STXBP5L: variants seen among roughly 807,000 people sequenced by gnomAD.
STXBP5L encodes the protein syntaxin-binding protein 5-like.
A neutral mutation model predicts 144.5 loss-of-function variants in STXBP5L; 65 were observed. The ratio of observed to expected loss-of-function variants is 0.45; its 90% CI spans 0.37 to 0.55. STXBP5L has a LOEUF of 0.55. Among genes scored for constraint, STXBP5L ranks in the 20% least tolerant of loss-of-function variants. STXBP5L has a pLI of 0.00. For missense variants in STXBP5L, 1,298 were observed against 1,405.5 expected, an observed-to-expected ratio of 0.92 and a Z score of 1.22; for synonymous variants, 505 against 469.6, an observed-to-expected ratio of 1.08 and a Z score of -0.97.
intron 22 of STXBP5L, among the ~76,000 whole-genome samples, chr3:121,400,132 T>C (rs2108729551): frequency 6.6e-6 from 1 of 152,352 alleles, no homozygotes; most frequent in South Asian, 2.1e-4. Flanking sequence ...TTTTATCTTT[T>C]GATGTATGCT....
chr3:121,257,392 C>T, intron 17 of STXBP5L, 59 bp downstream of exon 17: 1 of 1,430,082 alleles, frequency 7.0e-7, no homozygotes, highest in African/African-American at 1.4e-5. Flanking sequence ...GTCTTTGAAA[C>T]TGTGACAAAT....
intron 3 of STXBP5L, among the ~76,000 whole-genome samples, chr3:120,963,922 G>A (rs530817432): frequency 2.0e-5 from 3 of 152,140 alleles, no homozygotes; most frequent in South Asian, 2.1e-4. Context: ...TTGGTTGGTA[G>A]GCTATTAATT....
At chr3:121,059,031 T>C (rs2107622047) in intron 5 of STXBP5L, among the ~76,000 whole-genome samples, 1 of 152,318 alleles carries the variant, frequency 6.6e-6, no homozygotes, top group African/African-American at 2.4e-5. Flanking sequence ...GGTGTTTTAG[T>C]CATGAAGTCT....
At chr3:121,102,530 C>T (rs1224750340) in intron 5 of STXBP5L, among the ~76,000 whole-genome samples, 1 of 151,468 alleles carries the variant, frequency 6.6e-6, no homozygotes, top group African/African-American at 2.4e-5. Flanking sequence ...TGAACTAGAC[C>T]TCTACCATAC....
intron 20 of STXBP5L, among the ~76,000 whole-genome samples, chr3:121,347,784 T>C (rs930231597): frequency 4.6e-5 from 7 of 152,318 alleles, no homozygotes; most frequent in Admixed American, 1.3e-4. Flanking sequence ...ATAAGAATGC[T>C]TGTGATTTTT....
chr3:120,973,715 C>G (rs1379976227), intron 3 of STXBP5L, among the ~76,000 whole-genome samples: 1 of 151,398 alleles, frequency 6.6e-6, no homozygotes, highest in Non-Finnish European at 1.5e-5. Context: ...CACAACAGTC[C>G]CCAGAGTGTG....
intron 22 of STXBP5L, among the ~76,000 whole-genome samples, chr3:121,388,288 A>G (rs1428719652): frequency 1.3e-5 from 2 of 152,226 alleles, no homozygotes; most frequent in African/African-American, 4.8e-5. Context: ...CAGCTTAAGG[A>G]GATTTTGGGC....
chr3:121,191,001 T>C (rs2047651727), intron 9 of STXBP5L, among the ~76,000 whole-genome samples: 1 of 151,168 alleles, frequency 6.6e-6, no homozygotes, highest in Non-Finnish European at 1.5e-5. Context: ...GCAGAGACGC[T>C]CCTCACTTCC....
At chr3:121,364,791 A>G (rs1425589812) in intron 20 of STXBP5L, among the ~76,000 whole-genome samples, 2 of 152,048 alleles carry the variant, frequency 1.3e-5, no homozygotes, top group East Asian at 3.9e-4. Context: ...TGTTGACTTT[A>G]TATTCTACTG....
At chr3:121,027,087 A>G (rs1390293927) in intron 3 of STXBP5L, among the ~76,000 whole-genome samples, 1 of 151,934 alleles carries the variant, frequency 6.6e-6, no homozygotes. Flanking sequence ...TTTTCTATTT[A>G]TGTGTATATA....
intron 5 of STXBP5L, among the ~76,000 whole-genome samples, chr3:121,047,121 TC>T (rs996154250): frequency 6.6e-6 from 1 of 152,170 alleles, no homozygotes; most frequent in Non-Finnish European, 1.5e-5. Context: ...CAAAAGTCAT[TC>T]AGGACCAGGT....
intron 20 of STXBP5L, among the ~76,000 whole-genome samples, chr3:121,354,308 G>T (rs2045418259): frequency 6.6e-6 from 1 of 152,038 alleles, no homozygotes; most frequent in Non-Finnish European, 1.5e-5. Context: ...ATTATTGTGT[G>T]GGAGCCTAAG....
chr3:121,356,431 A>G (rs1017616837), intron 20 of STXBP5L, among the ~76,000 whole-genome samples: 1 of 152,194 alleles, frequency 6.6e-6, no homozygotes, highest in Admixed American at 6.5e-5. Flanking sequence ...CTGCCACCTC[A>G]CAGCTCAATC....
At chr3:121,160,094 G>C (rs1309326021) in intron 9 of STXBP5L, among the ~76,000 whole-genome samples, 1 of 151,920 alleles carries the variant, frequency 6.6e-6, no homozygotes, top group African/African-American at 2.4e-5. Context: ...GTTCATTTTT[G>C]TTTTATGTAT....
At chr3:120,931,375 TAC>T (rs1457023545) in intron 2 of STXBP5L, among the ~76,000 whole-genome samples, 1 of 152,164 alleles carries the variant, frequency 6.6e-6, no homozygotes, top group Non-Finnish European at 1.5e-5. Flanking sequence ...ACAATATTCT[TAC>T]AGTTATCACT....
Position 121,423,535 on chromosome 3 carries a change from T to A in STXBP5L, c.*4438T>A, listed in dbSNP as rs1370857979. ...GTGAAAGAGGCTTTAAGGAATCAGA[T>A]GCACAGATGGATGCTTTGATTTACA... On this transcript the variant is annotated 3_prime_UTR_variant, in exon 27 of 27. Transcript: ENST00000471454. The A allele has an allele frequency of 6.6e-6, 1 of 152,236 alleles. No homozygotes were observed. Among genetic ancestry groups the A allele is most frequent in the Non-Finnish European group, 1.5e-5 (1 of 68,040 alleles). 9.4% of individuals were successfully genotyped at this position (152,236 alleles called of 1,614,324 possible).
chr3:121,162,885 C>T (rs1042617534), intron 9 of STXBP5L, among the ~76,000 whole-genome samples: 5 of 152,144 alleles, frequency 3.3e-5, no homozygotes, highest in African/African-American at 7.2e-5. Context: ...CCATCTCACA[C>T]CAATTAGAAT....
chr3:120,990,289 T>C (rs895858234), intron 3 of STXBP5L, among the ~76,000 whole-genome samples: 1 of 152,176 alleles, frequency 6.6e-6, no homozygotes, highest in African/African-American at 2.4e-5. Flanking sequence ...TACAAACCAC[T>C]GCTCGATGAA....
At chr3:121,330,240 G>T (rs923070036) in intron 20 of STXBP5L, among the ~76,000 whole-genome samples, 2 of 152,212 alleles carry the variant, frequency 1.3e-5, no homozygotes, top group African/African-American at 4.8e-5. Flanking sequence ...CACTGTAGGT[G>T]TGAAACCTGC....
Sources: gnomAD v4.1 joint callset for allele counts (sites outside exome capture counted in the v4.1 genomes callset) on GRCh38, gnomAD v4.1.1 for gene constraint, MANE v1.5 for transcripts, NCBI Gene and HGNC (gene_info 2026-07-23, HGNC 2026-07-21) for gene names.